Variants in CERT1 observed in about 807,000 individuals in gnomAD.
CERT1 encodes the protein ceramide transporter 1.
Under a neutral mutation model 87.9 loss-of-function variants are expected in CERT1, and 31 were observed. The observed-to-expected ratio is 0.35, with a 90% CI of 0.27 to 0.48. The LOEUF (loss-of-function observed/expected upper bound fraction) is 0.48. Among genes scored for constraint, CERT1 ranks in the 20% least tolerant of loss-of-function variants. The probability of loss-of-function intolerance (pLI) is 0.99; values close to 1 mark genes in which losing one functional copy is unlikely to be tolerated. For synonymous variants in CERT1, 289 were observed against 250.9 expected, an observed-to-expected ratio of 1.15 and a Z score of -1.44; for missense variants, 487 against 758.0, an observed-to-expected ratio of 0.64 and a Z score of 4.20.
rs567765474 is a variant in CERT1, at chr5:75,394,341, T to C, written c.1189-4654A>G. ...TAGGCAACACAGTGAGACCCCCATA[T>C]CTACAAAAAATAAAAAATTGAAAAA... On this transcript the variant is annotated intron_variant, in intron 11 of 16. Coordinates refer to ENST00000643780, the MANE Select transcript of CERT1 (RefSeq NM_001379029.1). Among the ~76,000 whole-genome samples, 3 of 151,534 alleles carry C rather than the reference T, an allele frequency of 2.0e-5. No homozygotes were observed. In the South Asian group the frequency reaches 6.3e-4, roughly 32 times the overall value.
intron 2 of CERT1, among the ~76,000 whole-genome samples, chr5:75,489,020 A>C (rs2112419684): frequency 6.6e-6 from 1 of 152,310 alleles, no homozygotes; most frequent in Admixed American, 6.5e-5. Flanking sequence ...TACAGTAACC[A>C]AAACAGCATG....
intron 3 of CERT1, among the ~76,000 whole-genome samples, chr5:75,429,197 AATT>A (rs1189870583): frequency 2.7e-4 from 40 of 146,696 alleles, no homozygotes; most frequent in South Asian, 4.3e-4. Context: ...TAATAATAAT[AATT>A]ATTATTATTA....
At chr5:75,447,844 T>C (rs1282759872) in intron 3 of CERT1, among the ~76,000 whole-genome samples, 1 of 151,964 alleles carries the variant, frequency 6.6e-6, no homozygotes, top group African/African-American at 2.4e-5. Context: ...AATGTGATCA[T>C]AGCTCACTGT....
chr5:75,413,102 T>C (rs1561244894), intron 7 of CERT1, among the ~76,000 whole-genome samples: 2 of 152,204 alleles, frequency 1.3e-5, no homozygotes, highest in African/African-American at 2.4e-5. Flanking sequence ...TTTTTAACTT[T>C]TTAAACTTTT....
intron 16 of CERT1, among the ~76,000 whole-genome samples, chr5:75,379,798 T>C (rs1761489341): frequency 1.3e-5 from 2 of 152,132 alleles, no homozygotes; most frequent in African/African-American, 2.4e-5. Context: ...TTGGCTAGGA[T>C]GGTCTCGAAC....
At chr5:75,435,797 T>C (rs1764070865) in intron 3 of CERT1, among the ~76,000 whole-genome samples, 1 of 152,112 alleles carries the variant, frequency 6.6e-6, no homozygotes, top group Admixed American at 6.5e-5. Context: ...ACTGGAGGGA[T>C]AAGGCATTCC....
intron 8 of CERT1, among the ~76,000 whole-genome samples, chr5:75,404,082 C>G (rs968863465): frequency 6.6e-6 from 1 of 152,006 alleles, no homozygotes; most frequent in African/African-American, 2.4e-5. Flanking sequence ...TTGGTGAAAT[C>G]TTCCCAGTTA....
chr5:75,493,673 T>G (rs983504101), intron 2 of CERT1, among the ~76,000 whole-genome samples: 1 of 152,208 alleles, frequency 6.6e-6, no homozygotes, highest in African/African-American at 2.4e-5. Flanking sequence ...TACTGGACCT[T>G]GCTTGATGAT....
chr5:75,495,921 A>T (rs180911359), intron 2 of CERT1, among the ~76,000 whole-genome samples: 89 of 151,522 alleles, frequency 5.9e-4, no homozygotes, highest in Non-Finnish European at 1.1e-3. Context: ...AAAGTATAAT[A>T]AAAAAATTAG....
intron 2 of CERT1, among the ~76,000 whole-genome samples, chr5:75,459,933 G>C (rs1482779814): frequency 7.3e-6 from 1 of 137,304 alleles, no homozygotes; most frequent in Admixed American, 8.1e-5. Flanking sequence ...CTGCTCTCCA[G>C]CCTGGGTGAC....
At chr5:75,460,118 T>G (rs1227074311) in intron 2 of CERT1, among the ~76,000 whole-genome samples, 2 of 152,136 alleles carry the variant, frequency 1.3e-5, no homozygotes, top group African/African-American at 2.4e-5. Flanking sequence ...GCATATATAT[T>G]TTTTAAGGCC....
downstream of CERT1, chr5:75,374,761 A>G (rs1761227059): frequency 1.8e-6 from 1 of 554,044 alleles, no homozygotes; most frequent in African/African-American, 1.9e-5. Flanking sequence ...CTCCACCCCA[A>G]TTTAGACCTG....
intron 17 of CERT1, chr5:75,371,616 A>AC (rs1174485394): frequency 2.6e-5 from 4 of 152,122 alleles, no homozygotes; most frequent in African/African-American, 9.7e-5. Flanking sequence ...ATCATCCTCT[A>AC]CCTCAAAACC....
chr5:75,498,547 G>C (rs910953021), intron 2 of CERT1, among the ~76,000 whole-genome samples: 2 of 152,238 alleles, frequency 1.3e-5, no homozygotes, highest in Non-Finnish European at 2.9e-5. Context: ...GGACAGTTCA[G>C]GCCATTGCTT....
At chr5:75,454,668 A>G (rs1158741590) in intron 3 of CERT1, among the ~76,000 whole-genome samples, 1 of 152,188 alleles carries the variant, frequency 6.6e-6, no homozygotes, top group Non-Finnish European at 1.5e-5. Context: ...ACAACGACCA[A>G]CTAAGACCAA....
intron 2 of CERT1, among the ~76,000 whole-genome samples, chr5:75,477,356 T>C (rs1291366743): frequency 6.6e-6 from 1 of 152,134 alleles, no homozygotes; most frequent in African/African-American, 2.4e-5. Flanking sequence ...AGTCTGTATG[T>C]AACACAGTAA....
At chr5:75,503,559 A>C (rs907053199) in intron 2 of CERT1, among the ~76,000 whole-genome samples, 1 of 151,986 alleles carries the variant, frequency 6.6e-6, no homozygotes, top group Non-Finnish European at 1.5e-5. Flanking sequence ...AAGGGCAAGG[A>C]AAGTTCAAGT....
Position 75,511,618 on chromosome 5 carries a change from G to A in CERT1, c.-411C>T. 3 of 1,475,260 alleles carry A rather than the reference G, an allele frequency of 2.0e-6. No homozygotes were observed. Among genetic ancestry groups the A allele is most frequent in the Non-Finnish European group, 2.7e-6 (3 of 1,111,680 alleles). 91.4% of individuals were successfully genotyped at this position (1,475,260 alleles called of 1,614,324 possible). ...CGCTACCGCCGCCATCTTCCTGCCT[G>A]GCCCACTATTTACCCTCCCCTCCCC... On this transcript the variant is annotated 5_prime_UTR_variant, in exon 1 of 17. Transcript: ENST00000643780.
chr5:75,475,211 A>G (rs974556211), intron 2 of CERT1, among the ~76,000 whole-genome samples: 3 of 152,312 alleles, frequency 2.0e-5, no homozygotes, highest in African/African-American at 7.2e-5. Flanking sequence ...AATGATTTAT[A>G]GCAAGGAACA....
Sources: gnomAD v4.1 joint callset for allele counts (sites outside exome capture counted in the v4.1 genomes callset) on GRCh38, gnomAD v4.1.1 for gene constraint, MANE v1.5 for transcripts, NCBI Gene and HGNC (gene_info 2026-07-23, HGNC 2026-07-21) for gene names.